The following CELF2 variants were observed in gnomAD, a reference collection of about 807,000 sequenced individuals.
CELF2 encodes the protein CUGBP Elav-like family member 2.
Under a neutral mutation model 62.6 loss-of-function variants are expected in CELF2, and 8 were observed. The observed-to-expected ratio is 0.13, with a 90% CI of 0.07 to 0.23. The LOEUF (loss-of-function observed/expected upper bound fraction) is 0.23, where lower values mean the gene tolerates loss of function less well. Ranked by LOEUF, CELF2 falls within the 10% of genes least tolerant of loss-of-function variation. CELF2 has a pLI of 1.00. For missense variants in CELF2, 333 were observed against 671.0 expected (o/e 0.50, Z 5.56); for synonymous variants, 258 against 250.0 (o/e 1.03, Z -0.30).
chr10:10,616,677 TGTGTGTGTGTGTGC>T, the CELF2 span, among the ~76,000 whole-genome samples: 2 of 137,274 alleles, frequency 1.5e-5, no homozygotes, highest in Non-Finnish European at 3.1e-5. Flanking sequence ...CCCAAATTCG[TGTGTGTGTGTGTGC>T]GTGTGTGTGT....
At position 11,012,569 on chromosome 10, in the gene CELF2, G is replaced by A. The variant is rs1418917427; in HGVS notation, c.53+7129G>A. Among the ~76,000 whole-genome samples the A allele has an allele frequency of 2.0e-5, 3 of 152,130 alleles. No homozygotes were observed. Among genetic ancestry groups the A allele is most frequent in the Admixed American group, 6.5e-5 (1 of 15,282 alleles). On this transcript the variant is annotated intron_variant, in intron 1 of 12. Coordinates refer to the CELF2 transcript ENST00000416382. The surrounding 1 kb of genome is among the most constrained non-coding windows in gnomAD (Gnocchi z 5.5). ...ACCTGTTGCTGCCTTCTCCGGGACC[G>A]AATGTTACGCCTGCAACTGTGTCCT...
intron 1 of CELF2, among the ~76,000 whole-genome samples, chr10:10,838,120 C>G: frequency 6.6e-6 from 1 of 152,136 alleles, no homozygotes; most frequent in East Asian, 1.9e-4. Context: ...GCTTAGACCT[C>G]CCTTGGTTTT....
chr10:10,665,426 G>A, the CELF2 span, among the ~76,000 whole-genome samples: 2 of 152,120 alleles, frequency 1.3e-5, no homozygotes, highest in African/African-American at 2.4e-5. Context: ...AAATGTATGT[G>A]TAAGCCAGAA....
chr10:10,658,969 G>T, the CELF2 span, among the ~76,000 whole-genome samples: 8 of 152,120 alleles, frequency 5.3e-5, no homozygotes, highest in African/African-American at 1.9e-4. Context: ...CTTACCCAGA[G>T]TTGAACTCAT....
At chr10:10,520,645 A>C in the CELF2 span, among the ~76,000 whole-genome samples, 1 of 152,188 alleles carries the variant, frequency 6.6e-6, no homozygotes. Context: ...GCAGCCGGAA[A>C]GCCAAAGCAC....
intron 1 of CELF2, among the ~76,000 whole-genome samples, chr10:10,913,589 C>G (rs1438467701): frequency 7.2e-6 from 1 of 139,514 alleles, no homozygotes; most frequent in Non-Finnish European, 1.5e-5. Context: ...TGGGGTTTCA[C>G]CATGTTGCCC....
chr10:11,102,708 C>T (rs2052057747), intron 1 of CELF2, among the ~76,000 whole-genome samples: 1 of 152,152 alleles, frequency 6.6e-6, no homozygotes, highest in Non-Finnish European at 1.5e-5. Flanking sequence ...TTGGAAATCT[C>T]TTCCTAGGCA....
Position 10,845,063 on chromosome 10 carries a change from G to T in CELF2, c.53+46246G>T, listed in dbSNP as rs115867911. Among the ~76,000 whole-genome samples the T allele has an allele frequency of 6.3e-3, 962 of 152,186 alleles. 9 individuals are homozygous for T. Among genetic ancestry groups the T allele is most frequent in the African/African-American group, 0.022 (922 of 41,540 alleles). ...CTTCTAATTCTAGTTCCTATTCACT[G>T]CCTGAGCACTTTCACAGCCTGTAAT... On this transcript the variant is annotated intron_variant, in intron 1 of 13. Transcript: ENST00000636488.
intron 2 of CELF2, among the ~76,000 whole-genome samples, chr10:11,197,442 G>C (rs995470088): frequency 3.9e-5 from 6 of 152,212 alleles, no homozygotes; most frequent in African/African-American, 2.4e-5. Flanking sequence ...GTAGCAAATG[G>C]TCCCTTATTA....
At chr10:10,699,054 C>T in the CELF2 span, among the ~76,000 whole-genome samples, 68,381 of 151,544 alleles carry the variant, frequency 0.45, 15,856 homozygotes, top group Non-Finnish European at 0.52. Flanking sequence ...ATGTTATCTA[C>T]GTATATTTAT....
At chr10:11,054,998 C>T (rs974941965) in intron 1 of CELF2, among the ~76,000 whole-genome samples, 11 of 152,140 alleles carry the variant, frequency 7.2e-5, no homozygotes, top group African/African-American at 1.4e-4. Flanking sequence ...TACAGGCTTG[C>T]GCCACCGCAC....
chr10:11,111,372 G>A (rs1035291195), intron 1 of CELF2, among the ~76,000 whole-genome samples: 2 of 152,114 alleles, frequency 1.3e-5, no homozygotes, highest in African/African-American at 4.8e-5. Context: ...CGAGGCCTTT[G>A]TTACTGATAA....
chr10:10,559,046 A>G, the CELF2 span, among the ~76,000 whole-genome samples: 82 of 152,346 alleles, frequency 5.4e-4, no homozygotes, highest in African/African-American at 1.9e-3. Context: ...AATTAATTTT[A>G]ACTATTTCTT....
chr10:11,171,634 G>A (rs2068880698), intron 2 of CELF2, among the ~76,000 whole-genome samples: 1 of 152,194 alleles, frequency 6.6e-6, no homozygotes, highest in Non-Finnish European at 1.5e-5. Context: ...TCTGTGCCAT[G>A]GTAGAGTGAG....
In CELF2 at chr10:11,305,241, T is replaced by C. The variant is rs1327717903; in HGVS notation, c.977-8898T>C. Among the ~76,000 whole-genome samples the C allele has an allele frequency of 6.6e-6, 1 of 152,204 alleles. No homozygotes were observed. The highest frequency in any genetic ancestry group is 1.5e-5 in the Non-Finnish European group (1 of 68,026). Reference sequence around the variant, plus strand: ...AAAGTGGAGCTCAGGTCCTTGCCTCTCTGGAAATTTATTTGAGTTGGTTTG... The same window carrying C: ...AAAGTGGAGCTCAGGTCCTTGCCTCCCTGGAAATTTATTTGAGTTGGTTTG... On this transcript the variant is annotated intron_variant, in intron 9 of 12. Transcript: ENST00000633077. The surrounding 1 kb of genome is among the most constrained non-coding windows in gnomAD (Gnocchi z 4.8).
intron 1 of CELF2, among the ~76,000 whole-genome samples, chr10:11,029,738 G>A (rs994066749): frequency 1.3e-5 from 2 of 152,226 alleles, no homozygotes; most frequent in African/African-American, 4.8e-5. Context: ...GGAGAAGAGG[G>A]CCAGCCACAC....
chr10:10,853,783 A>G (rs955075536), intron 1 of CELF2, among the ~76,000 whole-genome samples: 34 of 152,196 alleles, frequency 2.2e-4, no homozygotes, highest in African/African-American at 8.2e-4. Flanking sequence ...TAAACTACGC[A>G]CAGTGTAGGA....
At chr10:10,611,784 A>G in the CELF2 span, among the ~76,000 whole-genome samples, 1 of 152,196 alleles carries the variant, frequency 6.6e-6, no homozygotes, top group African/African-American at 2.4e-5. Context: ...ACAGGTATAG[A>G]TATTGATGTA....
At chr10:11,079,008 CTG>C (rs546045122) in intron 1 of CELF2, among the ~76,000 whole-genome samples, 13 of 152,290 alleles carry the variant, frequency 8.5e-5, no homozygotes, top group African/African-American at 2.9e-4. Flanking sequence ...GATTTGGAGT[CTG>C]TGTGTACAGT....
Sources: gnomAD v4.1 joint callset for allele counts (sites outside exome capture counted in the v4.1 genomes callset) on GRCh38, gnomAD v4.1.1 for gene constraint, Gnocchi (gnomAD v3.1) non-coding constraint, MANE v1.5 for transcripts, NCBI Gene and HGNC (gene_info 2026-07-23, HGNC 2026-07-21) for gene names.